MYBL1: variants seen among roughly 807,000 people sequenced by gnomAD.
MYBL1 encodes the protein myb-related protein A.
A neutral mutation model predicts 96.3 loss-of-function variants in MYBL1; 17 were observed. The observed-to-expected ratio is 0.18, with a 90% CI of 0.12 to 0.26. The LOEUF (loss-of-function observed/expected upper bound fraction) is 0.26. Ranked by LOEUF, MYBL1 falls within the 10% of genes least tolerant of loss-of-function variation. The probability of loss-of-function intolerance (pLI) is 1.00; values close to 1 mark genes in which losing one functional copy is unlikely to be tolerated. For missense variants in MYBL1, 701 were observed against 882.9 expected (o/e 0.79, Z 2.61); for synonymous variants, 282 against 292.7 (o/e 0.96, Z 0.37).
intron 8 of MYBL1, 94 bp from the exon 9 acceptor site, chr8:66,580,460 G>A: frequency 1.3e-6 from 1 of 775,896 alleles, no homozygotes. Flanking sequence ...TAAAAACATA[G>A]TAGCAAATAT....
intron 9 of MYBL1, among the ~76,000 whole-genome samples, chr8:66,576,798 C>T (rs1277063028): frequency 6.6e-6 from 1 of 152,048 alleles, no homozygotes; most frequent in African/African-American, 2.4e-5. Context: ...TCAATTTAAC[C>T]TAAAGACATA....
At chr8:66,577,908 C>T (rs572244625) in intron 9 of MYBL1, among the ~76,000 whole-genome samples, 41 of 152,080 alleles carry the variant, frequency 2.7e-4, no homozygotes, top group African/African-American at 9.6e-4. Context: ...AGAACAGAGC[C>T]CTCAGAAATA....
intron 1 of MYBL1, among the ~76,000 whole-genome samples, chr8:66,602,741 T>A (rs1397961395): frequency 1.7e-3 from 160 of 94,674 alleles, no homozygotes; most frequent in Non-Finnish European, 2.7e-3. Context: ...ATATTTTTTT[T>A]TTTTTTTTTT....
intron 1 of MYBL1, among the ~76,000 whole-genome samples, chr8:66,609,553 C>A (rs189087357): frequency 6.6e-6 from 1 of 152,040 alleles, no homozygotes; most frequent in Admixed American, 6.5e-5. Flanking sequence ...GTACTGCATA[C>A]ATGAATATTT....
At chr8:66,593,942 C>CAA (rs1163161365) in intron 6 of MYBL1, among the ~76,000 whole-genome samples, 1 of 151,920 alleles carries the variant, frequency 6.6e-6, no homozygotes, top group African/African-American at 2.4e-5. Flanking sequence ...CCAAGACCAG[C>CAA]CTGGGCAACA....
At position 66,595,565 on chromosome 8, in the gene MYBL1, G is replaced by A; in HGVS notation, c.687+18C>T. On this transcript the variant is annotated intron_variant, in intron 6 of 15. Transcript: ENST00000522677. The stretch of plus-strand genomic sequence containing the variant: ...TTAAGAAAATTTTTTAAATAATAAA[G>A]GTATTAAAAGTATGTGCCTGAACAG... 7.1e-7 allele frequency: 1 copy of A among 1,405,702 alleles called. No individual in the cohort carries two copies. The highest frequency in any genetic ancestry group is 9.3e-7 in the Non-Finnish European group (1 of 1,073,834). 87.1% of individuals were successfully genotyped at this position (1,405,702 alleles called of 1,614,324 possible).
chr8:66,585,339 C>T (rs1185281750), intron 8 of MYBL1, among the ~76,000 whole-genome samples: 1 of 152,066 alleles, frequency 6.6e-6, no homozygotes, highest in African/African-American at 2.4e-5. Context: ...AAACTAGCTC[C>T]CTATCTCTCA....
chr8:66,612,715 C>A, intron 1 of MYBL1, 104 bp downstream of exon 1: 1 of 1,267,052 alleles, frequency 7.9e-7, no homozygotes, highest in Non-Finnish European at 1.0e-6. Context: ...AAAACCTCTG[C>A]CCTCGCCAGG....
In MYBL1 at chr8:66,612,991, G is replaced by C; in HGVS notation, c.-153C>G. On this transcript the variant is annotated 5_prime_UTR_variant, in exon 1 of 16. Coordinates refer to ENST00000522677, the MANE Select transcript of MYBL1 (RefSeq NM_001080416.4). ...GGAACGCACGTCCTCGACAGGGCAG[G>C]ACGGAGGGACAGCGGGGGCGGACCG... The C allele has an allele frequency of 3.5e-6, 3 of 861,284 alleles. No individual in the cohort carries two copies. The highest frequency in any genetic ancestry group is 4.7e-6 in the Non-Finnish European group (3 of 631,862). 53.4% of individuals were successfully genotyped at this position (861,284 alleles called of 1,614,324 possible).
chr8:66,612,686 CCGCGGGGA>C lies in MYBL1; in HGVS notation c.20+125_20+132del, dbSNP rs576512211. 6.7e-5 allele frequency: 76 copies of C among 1,130,330 alleles called. No homozygotes were observed. In the Middle Eastern group the frequency reaches 9.3e-4, roughly 14 times the overall value. 70.0% of individuals were successfully genotyped at this position (1,130,330 alleles called of 1,614,324 possible). On this transcript the variant is annotated intron_variant, in intron 1 of 15. Coordinates refer to ENST00000522677, the MANE Select transcript of MYBL1 (RefSeq NM_001080416.4). ...CCCTCCGGTCATCGAGGCCAAGCGG[CCGCGGGGA>C]CGCGGGAAGAAAAACCTCTGCCCTC...
chr8:66,586,918 T>C (rs1809442186), intron 8 of MYBL1, among the ~76,000 whole-genome samples: 1 of 151,992 alleles, frequency 6.6e-6, no homozygotes, highest in Admixed American at 6.6e-5. Flanking sequence ...GGACATTATG[T>C]TAAATGAAAT....
chr8:66,595,498 A>G (rs1241269052), intron 6 of MYBL1, 85 bp downstream of exon 6: 4 of 768,912 alleles, frequency 5.2e-6, no homozygotes, highest in Non-Finnish European at 7.5e-6. Context: ...TACGCATTGT[A>G]TTTGTCCTAT....
chr8:66,567,128 A>C, intron 12 of MYBL1, 136 bp from the exon 13 acceptor site: 2 of 581,206 alleles, frequency 3.4e-6, no homozygotes, highest in Non-Finnish European at 6.0e-6. Flanking sequence ...ACATTAATTA[A>C]ATTAATTCAT....
At chr8:66,600,947 G>C (rs1158149721) in intron 3 of MYBL1, among the ~76,000 whole-genome samples, 1 of 151,906 alleles carries the variant, frequency 6.6e-6, no homozygotes, top group African/African-American at 2.4e-5. Context: ...GAGGCAGTTA[G>C]ATCACCTGAG....
intron 8 of MYBL1, among the ~76,000 whole-genome samples, chr8:66,583,751 A>C (rs927386894): frequency 1.3e-5 from 2 of 152,218 alleles, no homozygotes; most frequent in African/African-American, 4.8e-5. Context: ...TAACCTATCA[A>C]GATTGAACCA....
chr8:66,596,963 A>G (rs1312382088), intron 5 of MYBL1, among the ~76,000 whole-genome samples: 1 of 152,214 alleles, frequency 6.6e-6, no homozygotes, highest in Admixed American at 6.5e-5. Context: ...TCTTACACAT[A>G]GAACGCAATA....
At position 66,581,507 on chromosome 8, in the gene MYBL1, T is replaced by C. The variant is rs187229465; in HGVS notation, c.868-1141A>G. Among the ~76,000 whole-genome samples the C allele has an allele frequency of 7.6e-4, 115 of 151,998 alleles. 1 individual carries two copies. Among genetic ancestry groups the C allele is most frequent in the Admixed American group, 4.0e-3 (61 of 15,264 alleles). On this transcript the variant is annotated intron_variant, in intron 8 of 15. Transcript: ENST00000522677. The stretch of plus-strand genomic sequence containing the variant: ...GTTTGGCCAACATAACGAAACCCCA[T>C]CTCTACAAAAAATACAAAAATTAGC...
chr8:66,583,185 A>G (rs560246594), intron 8 of MYBL1, among the ~76,000 whole-genome samples: 12 of 152,332 alleles, frequency 7.9e-5, no homozygotes, highest in African/African-American at 2.9e-4. Flanking sequence ...AATCAATAAC[A>G]AAAGGAACTT....
chr8:66,582,305 G>C (rs1335491980), intron 8 of MYBL1, among the ~76,000 whole-genome samples: 7 of 151,982 alleles, frequency 4.6e-5, no homozygotes, highest in Non-Finnish European at 1.0e-4. Context: ...CATGTCACCT[G>C]TAAAGACACA....
Sources: gnomAD v4.1 joint callset for allele counts (sites outside exome capture counted in the v4.1 genomes callset) on GRCh38, gnomAD v4.1.1 for gene constraint, MANE v1.5 for transcripts, NCBI Gene and HGNC (gene_info 2026-07-23, HGNC 2026-07-21) for gene names.